C11orf65: variants seen among roughly 807,000 people sequenced by gnomAD.
The protein encoded by C11orf65 is chromosome 11 open reading frame 65.
In C11orf65, 38 loss-of-function variants were observed where a neutral mutation model predicts 35.3. That is an observed-to-expected ratio of 1.08 (90% CI 0.83 to 1.41). The LOEUF is 1.41. C11orf65 is among the 40% of genes most tolerant of loss of function. C11orf65 has a pLI of 0.00. For missense variants in C11orf65, 370 were observed against 367.1 expected (o/e 1.01, Z -0.06); for synonymous variants, 105 against 114.4 (o/e 0.92, Z 0.53).
intron 2 of C11orf65, among the ~76,000 whole-genome samples, chr11:108,357,572 T>G (rs1271721293): frequency 6.6e-6 from 1 of 152,140 alleles, no homozygotes; most frequent in Admixed American, 6.5e-5. Context: ...AGAGTAGTGG[T>G]TCTCCCAGCA....
intron 3 of C11orf65, among the ~76,000 whole-genome samples, chr11:108,416,264 A>T (rs1373686085): frequency 6.6e-6 from 1 of 152,218 alleles, no homozygotes; most frequent in Non-Finnish European, 1.5e-5. Flanking sequence ...GAAAACAAAC[A>T]ACCTGAATTA....
At chr11:108,461,740 G>A (rs1239319995) in intron 1 of C11orf65, among the ~76,000 whole-genome samples, 172 bp from the exon 2 acceptor site, 1 of 152,094 alleles carries the variant, frequency 6.6e-6, no homozygotes, top group African/African-American at 2.4e-5. Context: ...TGATCCTCTT[G>A]CCTTAACCTC....
intron 2 of C11orf65, among the ~76,000 whole-genome samples, chr11:108,353,361 C>T (rs1422156594): frequency 1.3e-5 from 2 of 152,100 alleles, no homozygotes; most frequent in African/African-American, 2.4e-5. Context: ...GTTGGCCAGG[C>T]TGGTCTCTTA....
intron 3 of C11orf65, among the ~76,000 whole-genome samples, chr11:108,429,510 T>C (rs1024313969): frequency 2.6e-5 from 4 of 152,208 alleles, no homozygotes; most frequent in African/African-American, 4.8e-5. Flanking sequence ...AGGGCTTCTA[T>C]GAAGAATATA....
At chr11:108,359,785 A>C (rs1349489458) in intron 2 of C11orf65, among the ~76,000 whole-genome samples, 1 of 152,190 alleles carries the variant, frequency 6.6e-6, no homozygotes, top group Non-Finnish European at 1.5e-5. Context: ...TCTCTGGGAC[A>C]CATTCAAAGC....
At chr11:108,462,371 A>G (rs1373785127) in intron 1 of C11orf65, among the ~76,000 whole-genome samples, 1 of 152,164 alleles carries the variant, frequency 6.6e-6, no homozygotes, top group Non-Finnish European at 1.5e-5. Context: ...GTGATTTAAT[A>G]TGTTCTAATT....
chr11:108,464,791 T>C (rs2093514876), intron 1 of C11orf65, among the ~76,000 whole-genome samples: 1 of 152,178 alleles, frequency 6.6e-6, no homozygotes, highest in South Asian at 2.1e-4. Context: ...TGTTCCAGTA[T>C]ACTCTTTTAT....
intron 6 of C11orf65, among the ~76,000 whole-genome samples, chr11:108,398,933 G>A (rs553820395): frequency 2.6e-5 from 4 of 152,272 alleles, no homozygotes; most frequent in African/African-American, 9.6e-5. Context: ...CCTCTATTAT[G>A]GGAATGGTCT....
intron 2 of C11orf65, among the ~76,000 whole-genome samples, chr11:108,443,636 C>A (rs4460776): frequency 0.49 from 74,456 of 151,048 alleles, 19,008 homozygotes; most frequent in Middle Eastern, 0.67. Context: ...ACCACAGTGA[C>A]ATCAAACTAG....
chr11:108,438,512 C>T (rs7103222), intron 2 of C11orf65, among the ~76,000 whole-genome samples: 28,490 of 151,180 alleles, frequency 0.19, 3,121 homozygotes, highest in African/African-American at 0.29. Context: ...GATTGAGTCA[C>T]TGCACTCCAG....
intron 3 of C11orf65, among the ~76,000 whole-genome samples, chr11:108,430,285 C>G (rs1211345394): frequency 7.2e-6 from 1 of 139,678 alleles, no homozygotes; most frequent in Non-Finnish European, 1.5e-5. Context: ...CCTGCCACCA[C>G]GCCTGGCTAA....
intron 2 of C11orf65, among the ~76,000 whole-genome samples, chr11:108,441,959 T>G (rs1294831761): frequency 6.6e-6 from 1 of 152,152 alleles, no homozygotes; most frequent in Admixed American, 6.5e-5. Flanking sequence ...AGAACAAAGC[T>G]GGATGGAAAA....
intron 2 of C11orf65, among the ~76,000 whole-genome samples, chr11:108,335,444 T>A (rs1252728926): frequency 6.6e-6 from 1 of 152,194 alleles, no homozygotes; most frequent in Non-Finnish European, 1.5e-5. Context: ...GTCCTTTGCA[T>A]CAGTATACCG....
Position 108,326,099 on chromosome 11 carries a change from AG to A in C11orf65, c.641-17029del, listed in dbSNP as rs876659569. ...TATTTCAAATTAAACAGTACAATTC[AG>A]TTAGCTGTGGAGTCTCTGAGTGGCA... On this transcript the variant is annotated intron_variant, in intron 6 of 6. Coordinates refer to the C11orf65 transcript ENST00000525729. 6.2e-7 allele frequency: 1 copy of A among 1,614,174 alleles called. No homozygotes were observed. Among genetic ancestry groups the A allele is most frequent in the South Asian group, 1.1e-5 (1 of 91,088 alleles).
intron 2 of C11orf65, chr11:108,346,010 T>C: frequency 7.5e-7 from 1 of 1,335,412 alleles, no homozygotes; most frequent in South Asian, 1.2e-5. Context: ...TGCAGGGGGA[T>C]GATAGTGATG....
intron 2 of C11orf65, among the ~76,000 whole-genome samples, chr11:108,448,287 G>C (rs552682264): frequency 6.6e-6 from 1 of 152,278 alleles, no homozygotes; most frequent in South Asian, 2.1e-4. Flanking sequence ...CTTTTTATGA[G>C]GCCAGCATTA....
chr11:108,317,942 A>G (rs1004881383), intron 6 of C11orf65, among the ~76,000 whole-genome samples: 3 of 152,132 alleles, frequency 2.0e-5, no homozygotes, highest in African/African-American at 4.8e-5. Flanking sequence ...GCATGCCAAG[A>G]AAAGTATAGG....
intron 3 of C11orf65, among the ~76,000 whole-genome samples, chr11:108,416,635 G>A (rs2092736114): frequency 6.6e-6 from 1 of 152,098 alleles, no homozygotes; most frequent in South Asian, 2.1e-4. Flanking sequence ...CTGAGATTGT[G>A]ACACTGCACT....
chr11:108,333,825 T>G (rs1161015268), intron 3 of C11orf65: 13 of 1,324,764 alleles, frequency 9.8e-6, no homozygotes, highest in Non-Finnish European at 1.1e-5. Flanking sequence ...TGACTATTCC[T>G]GCTTGACCTT....
Sources: allele counts gnomAD v4.1 joint callset (sites outside exome capture counted in the v4.1 genomes callset), GRCh38; gene constraint gnomAD v4.1.1; transcripts MANE v1.5; gene names NCBI Gene and HGNC (gene_info 2026-07-23, HGNC 2026-07-21).